TXK: variants seen among roughly 807,000 people sequenced by gnomAD.
The protein encoded by TXK is TXK tyrosine kinase.
TXK carries 60 observed loss-of-function variants against 81.0 expected under a neutral mutation model. That is an observed-to-expected ratio of 0.74 (90% CI 0.60 to 0.92). The LOEUF is 0.92. Among genes scored for constraint, TXK ranks in the 40% least tolerant of loss-of-function variants. The probability of loss-of-function intolerance (pLI) is 0.00; values close to 1 mark genes in which losing one functional copy is unlikely to be tolerated. For missense variants in TXK, 581 were observed against 638.3 expected (o/e 0.91, Z 0.97); for synonymous variants, 203 against 210.7 (o/e 0.96, Z 0.32).
At chr4:48,102,141 G>A (rs1718216043) in intron 6 of TXK, among the ~76,000 whole-genome samples, 1 of 151,980 alleles carries the variant, frequency 6.6e-6, no homozygotes, top group Admixed American at 6.6e-5. Flanking sequence ...ACCATGCCTG[G>A]CTAATTTTTG....
intron 14 of TXK, 54 bp from the exon 15 acceptor site, chr4:48,067,759 G>T: frequency 6.4e-7 from 1 of 1,559,112 alleles, no homozygotes; most frequent in Non-Finnish European, 8.8e-7. Context: ...TATGCCAAGG[G>T]TTCCATTTTT....
intron 3 of TXK, 84 bp from the exon 4 acceptor site, chr4:48,112,596 C>T: frequency 7.2e-7 from 1 of 1,395,578 alleles, no homozygotes; most frequent in East Asian, 2.4e-5. Context: ...TATTTGCCTT[C>T]TGCCTCACTT....
chr4:48,078,773 A>G (rs1159298917), intron 11 of TXK, among the ~76,000 whole-genome samples: 1 of 152,236 alleles, frequency 6.6e-6, no homozygotes, highest in Non-Finnish European at 1.5e-5. Flanking sequence ...CCACATCAGG[A>G]GCAGTTATGC....
chr4:48,104,200 C>A (rs1718308708), intron 6 of TXK, among the ~76,000 whole-genome samples: 1 of 52,920 alleles, frequency 1.9e-5, no homozygotes, highest in Non-Finnish European at 3.3e-5. Context: ...GAGAGCATGT[C>A]TCAAAATATA....
intron 8 of TXK, among the ~76,000 whole-genome samples, chr4:48,091,526 A>C (rs1378144881): frequency 6.7e-6 from 1 of 149,528 alleles, no homozygotes; most frequent in East Asian, 2.0e-4. Context: ...TTTTTTTGAG[A>C]TGGAGTTTCA....
chr4:48,101,563 T>C (rs905212379), intron 6 of TXK, among the ~76,000 whole-genome samples: 2 of 152,054 alleles, frequency 1.3e-5, no homozygotes, highest in African/African-American at 4.8e-5. Flanking sequence ...TTATGACAAG[T>C]AGGATTTAAT....
chr4:48,071,484 G>T (rs906486), intron 14 of TXK, 33 bp downstream of exon 14: 1,421,944 of 1,589,824 alleles, frequency 0.89, 638,399 homozygotes, highest in East Asian at 1. Flanking sequence ...TGCTGGGACT[G>T]CCAACCTTCA....
At chr4:48,129,420 G>C (rs1719184006) in intron 1 of TXK, among the ~76,000 whole-genome samples, 1 of 152,134 alleles carries the variant, frequency 6.6e-6, no homozygotes, top group South Asian at 2.1e-4. Flanking sequence ...GTGACTAAGA[G>C]AAAACAAGTA....
intron 6 of TXK, among the ~76,000 whole-genome samples, chr4:48,096,516 CTCTT>C (rs1029910004): frequency 2.6e-4 from 39 of 152,190 alleles, no homozygotes; most frequent in African/African-American, 8.9e-4. Flanking sequence ...AATTTTCTTT[CTCTT>C]TCTTTCTTTT....
chr4:48,073,904 G>A (rs750127253), intron 13 of TXK, 31 bp downstream of exon 13: 1 of 1,365,856 alleles, frequency 7.3e-7, no homozygotes, highest in South Asian at 1.3e-5. Flanking sequence ...ATTAAATCAA[G>A]CTCCAGCAAG....
At position 48,119,924 on chromosome 4, in the gene TXK, T is replaced by C. The variant is rs76398047; in HGVS notation, c.17-5522A>G. On this transcript the variant is annotated intron_variant, in intron 1 of 14. Transcript: ENST00000264316. ...GATGCAAAACCAAATGTAGGTTACATAAATGAATGAAGTAGGTCAGAATAG... is the reference window on the plus strand; with the variant it reads ...GATGCAAAACCAAATGTAGGTTACACAAATGAATGAAGTAGGTCAGAATAG... Among the ~76,000 whole-genome samples, 1,025 of 152,264 alleles carry C rather than the reference T, an allele frequency of 6.7e-3. 14 individuals are homozygous for C. Among genetic ancestry groups the C allele is most frequent in the African/African-American group, 0.023 (964 of 41,556 alleles).
At chr4:48,108,587 T>C (rs1283500927) in intron 5 of TXK, among the ~76,000 whole-genome samples, 1 of 152,216 alleles carries the variant, frequency 6.6e-6, no homozygotes, top group Non-Finnish European at 1.5e-5. Flanking sequence ...TGGCACATAG[T>C]GATCAATAAA....
At chr4:48,121,838 G>A (rs1460073494) in intron 1 of TXK, among the ~76,000 whole-genome samples, 2 of 152,068 alleles carry the variant, frequency 1.3e-5, no homozygotes, top group African/African-American at 2.4e-5. Context: ...TGATGAAAAA[G>A]TTTTGGAGAT....
chr4:48,070,535 C>T (rs1716799206), intron 14 of TXK, among the ~76,000 whole-genome samples: 1 of 152,072 alleles, frequency 6.6e-6, no homozygotes, highest in South Asian at 2.1e-4. Context: ...CCTGGTTCTA[C>T]CCTTAGTTTC....
chr4:48,100,968 TAAC>T (rs1256165691), intron 6 of TXK, among the ~76,000 whole-genome samples: 2 of 151,918 alleles, frequency 1.3e-5, no homozygotes, highest in Non-Finnish European at 2.9e-5. Flanking sequence ...TGTGTAAAAG[TAAC>T]AACAAGAAAA....
At chr4:48,120,931 C>T (rs2262771) in intron 1 of TXK, among the ~76,000 whole-genome samples, 58,659 of 151,772 alleles carry the variant, frequency 0.39, 12,013 homozygotes, top group East Asian at 0.65. Context: ...CTAAATCCAA[C>T]GGTCAACTCT....
At chr4:48,116,844 A>G (rs1718826850) in intron 1 of TXK, among the ~76,000 whole-genome samples, 2 of 152,210 alleles carry the variant, frequency 1.3e-5, no homozygotes, top group Admixed American at 6.5e-5. Context: ...AGAGAGGCAG[A>G]CAGGAAACAT....
intron 8 of TXK, among the ~76,000 whole-genome samples, chr4:48,092,390 A>T (rs1255774876): frequency 1.3e-5 from 2 of 152,224 alleles, no homozygotes; most frequent in Non-Finnish European, 2.9e-5. Flanking sequence ...AACAAGTGAC[A>T]CTGCCAAATG....
intron 4 of TXK, 30 bp from the exon 5 acceptor site, chr4:48,110,633 AT>A (rs1718604889): frequency 6.4e-7 from 1 of 1,556,796 alleles, no homozygotes; most frequent in Non-Finnish European, 8.8e-7. Flanking sequence ...AAAAATCAAA[AT>A]GCTTGGCATG....
Sources: gnomAD v4.1 joint callset for allele counts (sites outside exome capture counted in the v4.1 genomes callset) on GRCh38, gnomAD v4.1.1 for gene constraint, MANE v1.5 for transcripts, NCBI Gene and HGNC (gene_info 2026-07-23, HGNC 2026-07-21) for gene names.